ZBTB46: variants seen among roughly 807,000 people sequenced by gnomAD.
ZBTB46 encodes the protein zinc finger and BTB domain containing 46, also known as zinc finger and BTB domain-containing protein 46.
Under a neutral mutation model 44.1 loss-of-function variants are expected in ZBTB46, and 8 were observed. The observed-to-expected ratio is 0.18, with a 90% CI of 0.11 to 0.33. The LOEUF is 0.33. ZBTB46 is among the 10% of genes least tolerant of loss of function. The probability of loss-of-function intolerance (pLI) is 1.00; values close to 1 mark genes in which losing one functional copy is unlikely to be tolerated. For missense variants in ZBTB46, 651 were observed against 847.7 expected, an observed-to-expected ratio of 0.77 and a Z score of 2.88; for synonymous variants, 409 against 382.3, an observed-to-expected ratio of 1.07 and a Z score of -0.81.
intron 3 of ZBTB46, 91 bp downstream of exon 3, chr20:63,775,587 C>CCTCAGCCT (rs2092418299): frequency 6.1e-6 from 9 of 1,465,146 alleles, no homozygotes; most frequent in Non-Finnish European, 6.4e-6. Flanking sequence ...AGGGACAGAC[C>CCTCAGCCT]CTCAGCCTCA....
chr20:63,809,139 C>A (rs939453633), intron 1 of ZBTB46, among the ~76,000 whole-genome samples: 1 of 152,182 alleles, frequency 6.6e-6, no homozygotes, highest in Non-Finnish European at 1.5e-5. Context: ...TCGCAGGGAC[C>A]GCAGCGCCTG....
Position 63,746,790 on chromosome 20 carries a change from C to A in ZBTB46, c.*140G>T. The A allele has an allele frequency of 7.5e-7, 1 of 1,324,620 alleles. No individual in the cohort carries two copies. Among genetic ancestry groups the A allele is most frequent in the South Asian group, 1.7e-5 (1 of 59,188 alleles). 82.1% of individuals were successfully genotyped at this position (1,324,620 alleles called of 1,614,324 possible). ...CTGCTTAGCCCGCAGGGCTGGTTTC[C>A]GTGGGGGGTGGGTTCAGGGGGAAGC... is the stretch of plus-strand genomic sequence containing the variant. On this transcript the variant is annotated 3_prime_UTR_variant, in exon 5 of 5. Transcript: ENST00000245663.
chr20:63,799,781 C>G (rs1460662249), intron 1 of ZBTB46, among the ~76,000 whole-genome samples: 1 of 152,200 alleles, frequency 6.6e-6, no homozygotes, highest in Non-Finnish European at 1.5e-5. Flanking sequence ...CAAGCTCCCC[C>G]ATGAGAGTGG....
At chr20:63,831,395 CCACCGCCCCGGGCCCCGCCCA>C (rs2092851425), upstream of ZBTB46, among the ~76,000 whole-genome samples, 1 of 142,656 alleles carries the variant, frequency 7.0e-6, no homozygotes, top group Non-Finnish European at 1.6e-5. Context: ...CCGGCCGCGG[CCACCGCCCCGGGCCCCGCCCA>C]CGCCGGCCCG....
Position 63,790,488 on chromosome 20 carries a change from C to T in ZBTB46, c.270G>A (p.Met90Ile). 6.2e-7 allele frequency: 1 copy of T among 1,613,436 alleles called. No individual in the cohort carries two copies. The change falls in exon 2 of 5, where the codon ATG (methionine) becomes ATA (isoleucine). Residue 90 changes from methionine (M) to isoleucine (I), a missense_variant. Coordinates refer to ENST00000245663, the MANE Select transcript of ZBTB46 (RefSeq NM_001369741.1). Reference sequence around the variant, plus strand: ...TGGTGAGCGCCAGGTGCGCTGAGTACATGAAGTCGATGATGGCCTTGAAGC... The same window carrying T: ...TGGTGAGCGCCAGGTGCGCTGAGTATATGAAGTCGATGATGGCCTTGAAGC... ...AQGFKAIIDF[M>I]YSAHLALTSR... is the part of the protein sequence containing the mutation.
intron 1 of ZBTB46, among the ~76,000 whole-genome samples, chr20:63,813,262 A>G (rs868289716): frequency 3.6e-4 from 54 of 151,896 alleles, no homozygotes; most frequent in African/African-American, 1.3e-3. Flanking sequence ...CAGCCTGGCC[A>G]ACATGGTGAA....
At position 63,826,421 on chromosome 20, in the gene ZBTB46, G is replaced by A. The variant is rs1299047627; in HGVS notation, c.-34+4676C>T. Among the ~76,000 whole-genome samples the A allele has an allele frequency of 3.9e-5, 6 of 152,328 alleles. No individual in the cohort carries two copies. In the South Asian group the frequency reaches 1.2e-3, roughly 32 times the overall value. ...GCGACACCTGGGCCGACAATGACAG[G>A]CCCAGAGAAGAAATGCTTTGGCTGG... is the stretch of plus-strand genomic sequence containing the variant. On this transcript the variant is annotated intron_variant, in intron 1 of 4. Coordinates refer to ENST00000245663, the MANE Select transcript of ZBTB46 (RefSeq NM_001369741.1).
At position 63,790,061 on chromosome 20, in the gene ZBTB46, C is replaced by A. The variant is rs571117237; in HGVS notation, c.697G>T (p.Val233Phe). 1.2e-6 allele frequency: 2 copies of A among 1,614,056 alleles called. No homozygotes were observed. Among genetic ancestry groups the A allele is most frequent in the South Asian group, 1.1e-5 (1 of 91,086 alleles). The change falls in exon 2 of 5, where the codon GTT becomes TTT. Residue 233 changes from valine to phenylalanine, a missense_variant. Physicochemically the swap from Val to Phe is conservative, Grantham distance 50 (BLOSUM62 -1). Around this residue, in one of 5 missense-constraint regions of ZBTB46, gnomAD observed 385 missense variants for 423.3 expected, o/e 0.91. Coordinates refer to ENST00000245663, the MANE Select transcript of ZBTB46 (RefSeq NM_001369741.1). ...CTCCCTCCGTACTGAGACGGTGAAA[C>A]CTGCTCTTCCTTGATGCGCAGAGGC... Reference protein sequence around the residue: ...YGPLRIKEEQVSPSQYGGSEL... With the variant: ...YGPLRIKEEQFSPSQYGGSEL...
chr20:63,745,513 A>G lies in ZBTB46; in HGVS notation c.*1417T>C, dbSNP rs1377569927. On this transcript the variant is annotated 3_prime_UTR_variant, in exon 5 of 5. Transcript: ENST00000245663. ...TACAGGCTAGAAAAAGAGAGTAAAAACTCTTTCCACGCAGCCCTGAAGCTC... is the reference window on the plus strand; with the variant it reads ...TACAGGCTAGAAAAAGAGAGTAAAAGCTCTTTCCACGCAGCCCTGAAGCTC... The G allele has an allele frequency of 6.6e-6, 1 of 151,712 alleles. No homozygotes were observed. The highest frequency in any genetic ancestry group is 1.5e-5 in the Non-Finnish European group (1 of 67,924). The allele number at this position is 151,712 out of a possible 1,614,324, so 9.4% of individuals were successfully genotyped here. A position where few individuals can be genotyped will look rare whatever the true frequency, so the allele number is the denominator to read the frequency against.
chr20:63,812,978 G>A (rs1049258472), intron 1 of ZBTB46, among the ~76,000 whole-genome samples: 2 of 151,874 alleles, frequency 1.3e-5, no homozygotes, highest in African/African-American at 2.4e-5. Context: ...CGTGCCTGTA[G>A]TCCCAGCTAC....
chr20:63,755,123 G>A (rs1034131577), intron 3 of ZBTB46, among the ~76,000 whole-genome samples: 3 of 152,150 alleles, frequency 2.0e-5, no homozygotes, highest in Non-Finnish European at 4.4e-5. Context: ...TAAACGCCAC[G>A]GACCCAGGGC....
chr20:63,804,947 A>T (rs1432769251), intron 1 of ZBTB46, among the ~76,000 whole-genome samples: 1 of 145,302 alleles, frequency 6.9e-6, no homozygotes, highest in East Asian at 2.1e-4. Flanking sequence ...TCTCAGAAGG[A>T]GTCTCGCTCT....
At position 63,803,736 on chromosome 20, in the gene ZBTB46, C is replaced by T. The variant is rs1328091615; in HGVS notation, c.-33-12946G>A. On this transcript the variant is annotated intron_variant, in intron 1 of 4. Coordinates refer to ENST00000245663, the MANE Select transcript of ZBTB46 (RefSeq NM_001369741.1). The surrounding 1 kb of genome is among the most constrained non-coding windows in gnomAD (Gnocchi z 4.0). ...CTTCTTTTTGTTTTTGTAATGGGGT[C>T]TCACTCTGTCCCCCAGGCTGGAGTG... 6.6e-6 allele frequency among the ~76,000 whole-genome samples: 1 copy of T among 152,104 alleles called. No individual in the cohort carries two copies. The highest frequency in any genetic ancestry group is 1.5e-5 in the Non-Finnish European group (1 of 68,028).
chr20:63,747,235 C>T lies in ZBTB46; in HGVS notation c.1465G>A (p.Val489Met), dbSNP rs771992088. The T allele has an allele frequency of 3.8e-6, 6 of 1,584,872 alleles. No homozygotes were observed. Among genetic ancestry groups the T allele is most frequent in the African/African-American group, 1.4e-5 (1 of 73,474 alleles). ...CSRVFMSAASVGIRHGSRRHG... is the reference protein window; with the variant it reads ...CSRVFMSAASMGIRHGSRRHG... The stretch of plus-strand genomic sequence containing the variant: ...CGCCTGGAGCCATGCCTGATGCCCA[C>T]GCTGGCGGCGGACATGAAGACGCGG... Residue 489 changes from valine to methionine, a missense_variant, in exon 5 of 5, where the codon GTG becomes ATG. Coordinates refer to ENST00000245663, the MANE Select transcript of ZBTB46 (RefSeq NM_001369741.1).
At chr20:63,758,935 G>A (rs1157148538) in intron 3 of ZBTB46, among the ~76,000 whole-genome samples, 1 of 151,996 alleles carries the variant, frequency 6.6e-6, no homozygotes, top group Non-Finnish European at 1.5e-5. Flanking sequence ...GTTTCACTGT[G>A]TTAGCCAGGA....
chr20:63,772,589 C>A (rs967323084), intron 3 of ZBTB46, among the ~76,000 whole-genome samples: 1 of 152,040 alleles, frequency 6.6e-6, no homozygotes, highest in Non-Finnish European at 1.5e-5. Flanking sequence ...TGTGGGGGCA[C>A]CCATCTGTAG....
At chr20:63,823,888 G>GTGTGTGTGTGTGT (rs1414023978) in intron 1 of ZBTB46, among the ~76,000 whole-genome samples, 19 of 151,668 alleles carry the variant, frequency 1.3e-4, no homozygotes, top group African/African-American at 4.6e-4. Context: ...GTGTGTGTGT[G>GTGTGTGTGTGTGT]TTCTTTGGGA....
At chr20:63,793,919 G>T (rs2092581070) in intron 1 of ZBTB46, among the ~76,000 whole-genome samples, 3 of 152,306 alleles carry the variant, frequency 2.0e-5, no homozygotes, top group Admixed American at 1.3e-4. Context: ...AGGCGCGGTG[G>T]CTCACGCCTG....
At chr20:63,794,118 G>A (rs557751553) in intron 1 of ZBTB46, among the ~76,000 whole-genome samples, 5 of 151,752 alleles carry the variant, frequency 3.3e-5, no homozygotes, top group African/African-American at 4.8e-5. Flanking sequence ...CCCGGGAGGC[G>A]GAGCTTGCAG....
Sources: allele counts gnomAD v4.1 joint callset (sites outside exome capture counted in the v4.1 genomes callset), GRCh38; gene constraint gnomAD v4.1.1; regional missense constraint gnomAD v4.1.1; non-coding constraint Gnocchi (gnomAD v3.1); transcripts MANE v1.5; gene names NCBI Gene and HGNC (gene_info 2026-07-23, HGNC 2026-07-21).